The following TENM3 variants were observed in gnomAD, a reference collection of about 807,000 sequenced individuals.
The protein encoded by TENM3 is teneurin transmembrane protein 3, also known as teneurin-3.
In TENM3, 63 loss-of-function variants were observed where a neutral mutation model predicts 255.1. The observed-to-expected ratio is 0.25, with a 90% confidence interval of 0.20 to 0.30. The LOEUF (loss-of-function observed/expected upper bound fraction) is 0.30. Among genes scored for constraint, TENM3 ranks in the 10% least tolerant of loss-of-function variants. The probability of loss-of-function intolerance (pLI) is 1.00; values close to 1 mark genes in which losing one functional copy is unlikely to be tolerated. For missense variants in TENM3, 2,929 were observed against 3,461.1 expected, an observed-to-expected ratio of 0.85 and a Z score of 3.86; for synonymous variants, 1,306 against 1,322.3, an observed-to-expected ratio of 0.99 and a Z score of 0.27.
intron 1 of TENM3, among the ~76,000 whole-genome samples, chr4:182,218,908 A>C (rs1755680483): frequency 6.6e-6 from 1 of 152,232 alleles, no homozygotes. Context: ...CATACATATT[A>C]AATCCCTGGA....
At chr4:182,171,606 T>C (rs1391376297) in intron 1 of TENM3, among the ~76,000 whole-genome samples, 2 of 152,164 alleles carry the variant, frequency 1.3e-5, no homozygotes, top group Non-Finnish European at 1.5e-5. Flanking sequence ...TGGGTAGTTA[T>C]TTTTAACTTA....
chr4:182,745,898 A>G (rs909332196), intron 19 of TENM3, among the ~76,000 whole-genome samples: 1 of 151,684 alleles, frequency 6.6e-6, no homozygotes, highest in African/African-American at 2.4e-5. Context: ...GGTGTTTGGC[A>G]GTGATACTAT....
chr4:181,960,709 CT>C, the TENM3 span, among the ~76,000 whole-genome samples: 1 of 152,142 alleles, frequency 6.6e-6, no homozygotes, highest in Non-Finnish European at 1.5e-5. Context: ...CACTATAACT[CT>C]AACAGACAGT....
intron 3 of TENM3, among the ~76,000 whole-genome samples, chr4:182,456,369 T>G (rs1773877915): frequency 6.6e-6 from 1 of 152,232 alleles, no homozygotes; most frequent in African/African-American, 2.4e-5. Flanking sequence ...TTCATTAACT[T>G]CATTAGTTTT....
At chr4:182,541,831 G>A (rs896908337) in intron 3 of TENM3, among the ~76,000 whole-genome samples, 3 of 152,084 alleles carry the variant, frequency 2.0e-5, no homozygotes, top group African/African-American at 7.2e-5. Context: ...GGCTGAAGTA[G>A]GAGGATTGCT....
At position 182,221,332 on chromosome 4, in the gene TENM3, G is replaced by A. The variant is rs1188278512; in HGVS notation, c.-76+76578G>A. ...AAGGATTTGCCTTGACATTTATTTT[G>A]TAAAGACCAGAAACTTTATTGAAAC... On this transcript the variant is annotated intron_variant, in intron 1 of 2. Coordinates refer to the TENM3 transcript ENST00000512480. Among the ~76,000 whole-genome samples the A allele has an allele frequency of 2.6e-5, 4 of 152,232 alleles. No individual in the cohort carries two copies. The East Asian group carries it at 7.7e-4, about 29-fold the overall frequency.
chr4:181,708,204 AT>A, the TENM3 span, among the ~76,000 whole-genome samples: 1 of 152,196 alleles, frequency 6.6e-6, no homozygotes, highest in South Asian at 2.1e-4. Flanking sequence ...GCATGGGCTA[AT>A]TGTTCTTAAG....
At chr4:181,685,121 G>C in the TENM3 span, among the ~76,000 whole-genome samples, 1 of 151,900 alleles carries the variant, frequency 6.6e-6, no homozygotes, top group Non-Finnish European at 1.5e-5. Context: ...AAAGATGCCA[G>C]GAGTCAATTA....
intron 24 of TENM3, among the ~76,000 whole-genome samples, chr4:182,775,451 T>G (rs1579454456): frequency 6.6e-6 from 1 of 152,266 alleles, no homozygotes; most frequent in South Asian, 2.1e-4. Flanking sequence ...ATCTTCCAGG[T>G]CACTTTCACA....
intron 3 of TENM3, among the ~76,000 whole-genome samples, chr4:182,469,535 C>T (rs572963856): frequency 1.4e-4 from 22 of 151,948 alleles, no homozygotes; most frequent in African/African-American, 4.8e-4. Context: ...GCCAACATGG[C>T]GAAACCCTGT....
At chr4:181,683,787 C>T in the TENM3 span, among the ~76,000 whole-genome samples, 1 of 152,186 alleles carries the variant, frequency 6.6e-6, no homozygotes. Context: ...GATGACGGAC[C>T]CTGTGCTGTC....
chr4:181,605,528 AAG>A, the TENM3 span, among the ~76,000 whole-genome samples: 4 of 26,506 alleles, frequency 1.5e-4, 1 homozygote, highest in Non-Finnish European at 3.9e-4. Context: ...GAAAGAAAGA[AAG>A]AAAGAAAGAA....
chr4:182,388,073 A>G (rs1293729753), intron 3 of TENM3, among the ~76,000 whole-genome samples: 2 of 152,068 alleles, frequency 1.3e-5, no homozygotes, highest in Non-Finnish European at 2.9e-5. Context: ...TTCGCAAATT[A>G]TGAGGAATTA....
chr4:181,505,017 A>C, the TENM3 span, among the ~76,000 whole-genome samples: 1 of 152,196 alleles, frequency 6.6e-6, no homozygotes, highest in African/African-American at 2.4e-5. Flanking sequence ...ATTTGGGGTT[A>C]AATGTGCCAG....
chr4:181,681,472 C>T, the TENM3 span, among the ~76,000 whole-genome samples: 1 of 152,064 alleles, frequency 6.6e-6, no homozygotes, highest in Non-Finnish European at 1.5e-5. Flanking sequence ...GCCGTGATTT[C>T]CTGAGTACTG....
the TENM3 span, among the ~76,000 whole-genome samples, chr4:182,052,391 C>T: frequency 6.6e-6 from 1 of 152,054 alleles, no homozygotes; most frequent in Non-Finnish European, 1.5e-5. Flanking sequence ...TGCAAGCTGA[C>T]GTTCCCACCA....
At chr4:181,930,586 G>C in the TENM3 span, among the ~76,000 whole-genome samples, 1 of 151,900 alleles carries the variant, frequency 6.6e-6, no homozygotes, top group Non-Finnish European at 1.5e-5. Context: ...TCTACCAGAG[G>C]TACAAAGAGG....
At chr4:181,932,265 T>C in the TENM3 span, among the ~76,000 whole-genome samples, 1 of 152,026 alleles carries the variant, frequency 6.6e-6, no homozygotes, top group Non-Finnish European at 1.5e-5. Flanking sequence ...TTGCTATCTA[T>C]CCATCTGACA....
At position 182,773,476 on chromosome 4, in the gene TENM3, G is replaced by A. The variant is rs371265750; in HGVS notation, c.4897G>A (p.Asp1633Asn). The A allele has an allele frequency of 1.5e-5, 24 of 1,610,866 alleles. No individual in the cohort carries two copies. In the African/African-American group the frequency reaches 2.0e-4, roughly 13 times the overall value. The change falls in exon 23 of 28, where the codon GAC (aspartate) becomes AAC (asparagine). Residue 1633 changes from aspartate to asparagine, a missense_variant. By Grantham distance (23) the Asp-to-Asn change is conservative. This residue lies in a region of TENM3 where 1,608 missense variants were observed against 1,884.4 expected (regional missense o/e 0.85). Transcript: ENST00000511685. The stretch of plus-strand genomic sequence containing the variant: ...GTTAATGCCTCTTGTATTTAGCTAT[G>A]ACAGTGAAGGTCGTCTGACAAATGT... Reference protein sequence around the residue: ...ETGWTTFFDYDSEGRLTNVTF... With the variant: ...ETGWTTFFDYNSEGRLTNVTF...
Sources: allele counts gnomAD v4.1 joint callset (sites outside exome capture counted in the v4.1 genomes callset), GRCh38; gene constraint gnomAD v4.1.1; regional missense constraint gnomAD v4.1.1; transcripts MANE v1.5; gene names NCBI Gene and HGNC (gene_info 2026-07-23, HGNC 2026-07-21).